BMPR1B: variants seen among roughly 807,000 people sequenced by gnomAD.
BMPR1B encodes bone morphogenetic protein receptor type-1B.
A neutral mutation model predicts 59.1 loss-of-function variants in BMPR1B; 12 were observed. The ratio of observed to expected loss-of-function variants is 0.20; its 90% CI spans 0.13 to 0.33. BMPR1B has a LOEUF of 0.33. Ranked by LOEUF, BMPR1B falls within the 10% of genes least tolerant of loss-of-function variation. BMPR1B has a pLI of 1.00. For synonymous variants in BMPR1B, 237 were observed against 207.3 expected, an observed-to-expected ratio of 1.14 and a Z score of -1.23; for missense variants, 550 against 610.9, an observed-to-expected ratio of 0.90 and a Z score of 1.05.
At chr4:94,962,072 T>TTCCTTCCTTCCTTCCTTCC (rs1730380757) in intron 2 of BMPR1B, among the ~76,000 whole-genome samples, 5 of 118,000 alleles carry the variant, frequency 4.2e-5, no homozygotes, top group African/African-American at 1.4e-4. Context: ...CTTTCTTTTC[T>TTCCTTCCTTCCTTCCTTCC]TTCCTTCCTT....
At chr4:95,015,166 G>C (rs773131775) in intron 3 of BMPR1B, among the ~76,000 whole-genome samples, 3 of 152,114 alleles carry the variant, frequency 2.0e-5, no homozygotes, top group Non-Finnish European at 4.4e-5. Flanking sequence ...TAAACATACA[G>C]GGTGTGCTGT....
chr4:95,044,354 C>T (rs1019341309), intron 3 of BMPR1B, among the ~76,000 whole-genome samples: 1 of 152,196 alleles, frequency 6.6e-6, no homozygotes, highest in Non-Finnish European at 1.5e-5. Flanking sequence ...TTGGCAGGCT[C>T]CATGCTGTGC....
intron 1 of BMPR1B, among the ~76,000 whole-genome samples, chr4:94,823,205 A>G (rs529650488): frequency 4.6e-5 from 7 of 152,304 alleles, no homozygotes; most frequent in African/African-American, 1.2e-4. Flanking sequence ...AATTAACCTC[A>G]CCAAAGAGTG....
intron 1 of BMPR1B, among the ~76,000 whole-genome samples, chr4:94,814,280 TGGAAA>T (rs1035112394): frequency 1.3e-5 from 2 of 152,216 alleles, no homozygotes; most frequent in Non-Finnish European, 2.9e-5. Context: ...ATTCATAACT[TGGAAA>T]GGAAAACTTA....
chr4:94,934,872 A>G (rs548353490), intron 2 of BMPR1B, among the ~76,000 whole-genome samples: 39 of 152,166 alleles, frequency 2.6e-4, no homozygotes, highest in African/African-American at 5.5e-4. Flanking sequence ...ACCAAATGAA[A>G]CTTTCACATT....
At position 94,812,776 on chromosome 4, in the gene BMPR1B, A is replaced by G. The variant is rs2110640965; in HGVS notation, c.-183+54708A>G. Among the ~76,000 whole-genome samples, 2 of 152,268 alleles carry G rather than the reference A, an allele frequency of 1.3e-5. 1 individual carries two copies. The highest frequency in any genetic ancestry group is 4.2e-4 in the South Asian group (2 of 4,816). ...AATTGGGGGGTTAGTTGGTTTTTGA[A>G]AGTGATTTTTTTGGTTTGTCATTAG... On this transcript the variant is annotated intron_variant, in intron 1 of 12. Coordinates refer to ENST00000515059, the MANE Select transcript of BMPR1B (RefSeq NM_001203.3).
At chr4:94,980,971 G>T (rs967732529) in intron 2 of BMPR1B, among the ~76,000 whole-genome samples, 1 of 135,838 alleles carries the variant, frequency 7.4e-6, no homozygotes, top group African/African-American at 2.8e-5. Flanking sequence ...CTCCAGCCTA[G>T]GTGGCAGAGC....
intron 1 of BMPR1B, among the ~76,000 whole-genome samples, chr4:94,873,066 T>C (rs1726566169): frequency 6.6e-6 from 1 of 152,148 alleles, no homozygotes; most frequent in South Asian, 2.1e-4. Flanking sequence ...CTATATGATT[T>C]TTTTTTTTGG....
At chr4:94,870,368 C>G (rs567418217) in intron 1 of BMPR1B, among the ~76,000 whole-genome samples, 1 of 139,164 alleles carries the variant, frequency 7.2e-6, no homozygotes, top group East Asian at 1.9e-4. Context: ...TTCCCTTTCT[C>G]TCTACTTCCT....
At chr4:94,769,919 A>C (rs538962861) in intron 1 of BMPR1B, among the ~76,000 whole-genome samples, 1 of 152,322 alleles carries the variant, frequency 6.6e-6, no homozygotes, top group Non-Finnish European at 1.5e-5. Flanking sequence ...ATTAGATTTT[A>C]GCTTCTTTTC....
chr4:95,145,754 T>A (rs1734595445), intron 10 of BMPR1B, among the ~76,000 whole-genome samples: 2 of 152,218 alleles, frequency 1.3e-5, no homozygotes, highest in Non-Finnish European at 2.9e-5. Context: ...CTTTACAGTA[T>A]CAGATATGGA....
At chr4:94,931,456 G>T (rs1176117666) in intron 2 of BMPR1B, among the ~76,000 whole-genome samples, 2 of 151,928 alleles carry the variant, frequency 1.3e-5, no homozygotes, top group African/African-American at 4.8e-5. Flanking sequence ...TGTTCCTCAG[G>T]GCCCTAGAAT....
intron 4 of BMPR1B, among the ~76,000 whole-genome samples, chr4:95,114,195 G>A (rs2149276888): frequency 6.6e-6 from 1 of 152,224 alleles, no homozygotes; most frequent in East Asian, 1.9e-4. Flanking sequence ...AGAAATAAGT[G>A]TATTTCACTA....
intron 3 of BMPR1B, among the ~76,000 whole-genome samples, chr4:95,003,701 TAAAG>T (rs1163147564): frequency 6.6e-6 from 1 of 150,636 alleles, no homozygotes; most frequent in East Asian, 2.0e-4. Flanking sequence ...CTTTTCATGA[TAAAG>T]AAACTGAGAC....
chr4:95,003,747 A>G (rs1279269660), intron 3 of BMPR1B, among the ~76,000 whole-genome samples: 1 of 151,514 alleles, frequency 6.6e-6, no homozygotes, highest in African/African-American at 2.4e-5. Context: ...ATAACCTCAC[A>G]TAGCTAATCA....
At chr4:95,030,776 T>G (rs1302553646) in intron 3 of BMPR1B, among the ~76,000 whole-genome samples, 1 of 152,076 alleles carries the variant, frequency 6.6e-6, no homozygotes, top group Non-Finnish European at 1.5e-5. Context: ...CACGATTGCT[T>G]CAAAGAGAAT....
chr4:95,150,460 A>G (rs1283492540), intron 11 of BMPR1B, among the ~76,000 whole-genome samples: 1 of 151,978 alleles, frequency 6.6e-6, no homozygotes, highest in South Asian at 2.1e-4. Context: ...AAAAGAAAAA[A>G]AAAAAAAAAA....
chr4:94,794,952 A>T (rs1284243635), intron 1 of BMPR1B, among the ~76,000 whole-genome samples: 1 of 147,444 alleles, frequency 6.8e-6, no homozygotes, highest in Non-Finnish European at 1.5e-5. Context: ...ATATACAATC[A>T]TGTCATCTGC....
chr4:95,060,133 T>C lies in BMPR1B; in HGVS notation c.-17-44275T>C, dbSNP rs537289977. ...GTATCAGAATCACTGCAGGTCGTTT[T>C]TAACATACAGGTCCCAATACCCCAT... On this transcript the variant is annotated intron_variant, in intron 3 of 12. Coordinates refer to ENST00000515059, the MANE Select transcript of BMPR1B (RefSeq NM_001203.3). Among the ~76,000 whole-genome samples the C allele has an allele frequency of 5.9e-5, 9 of 152,318 alleles. No homozygotes were observed. In the South Asian group the frequency reaches 1.2e-3, roughly 21 times the overall value.
Sources: gnomAD v4.1 joint callset for allele counts (sites outside exome capture counted in the v4.1 genomes callset) on GRCh38, gnomAD v4.1.1 for gene constraint, MANE v1.5 for transcripts, NCBI Gene and HGNC (gene_info 2026-07-23, HGNC 2026-07-21) for gene names.